The following CEP170 variants were observed in gnomAD, a reference collection of about 807,000 sequenced individuals.
The protein encoded by CEP170 is centrosomal protein 170.
CEP170 carries 21 observed loss-of-function variants against 151.9 expected under a neutral mutation model. The observed-to-expected ratio is 0.14, with a 90% CI of 0.10 to 0.20. The LOEUF is 0.20. CEP170 is among the 10% of genes least tolerant of loss of function. The pLI is 1.00. For missense variants in CEP170, 964 were observed against 1,892.9 expected (o/e 0.51, Z 9.11); for synonymous variants, 356 against 648.8 (o/e 0.55, Z 6.86).
At chr1:243,255,436 T>A (rs1203126737), upstream of CEP170, 1 of 153,776 alleles carries the variant, frequency 6.5e-6, no homozygotes, top group Non-Finnish European at 1.5e-5. Flanking sequence ...AAAGACCAGC[T>A]TGAACAATGA....
intron 1 of CEP170, among the ~76,000 whole-genome samples, chr1:243,238,054 G>A (rs1393017745): frequency 2.0e-5 from 3 of 152,168 alleles, no homozygotes; most frequent in South Asian, 4.1e-4. Context: ...GATGTTTAAA[G>A]TGATTAGGTT....
intron 3 of CEP170, among the ~76,000 whole-genome samples, chr1:243,213,578 T>C (rs2062004691): frequency 6.6e-6 from 1 of 152,118 alleles, no homozygotes; most frequent in African/African-American, 2.4e-5. Flanking sequence ...AGACACATTT[T>C]CTCTAATGCA....
At chr1:243,239,401 C>T (rs558561538) in intron 1 of CEP170, among the ~76,000 whole-genome samples, 1 of 152,258 alleles carries the variant, frequency 6.6e-6, no homozygotes, top group South Asian at 2.1e-4. Flanking sequence ...ACTCTTTTAC[C>T]TGAATCCCTT....
At chr1:243,240,585 C>T (rs1190718690) in intron 1 of CEP170, among the ~76,000 whole-genome samples, 1 of 151,534 alleles carries the variant, frequency 6.6e-6, no homozygotes, top group Non-Finnish European at 1.5e-5. Context: ...AGGCTTCATA[C>T]CTGAAGACTT....
chr1:243,198,531 C>G (rs987260897), intron 7 of CEP170, among the ~76,000 whole-genome samples: 1 of 152,044 alleles, frequency 6.6e-6, no homozygotes, highest in Non-Finnish European at 1.5e-5. Flanking sequence ...TTAAGCTGGA[C>G]ATGAGATGGT....
At chr1:243,253,108 G>C (rs550638392) in intron 1 of CEP170, 1 of 152,164 alleles carries the variant, frequency 6.6e-6, no homozygotes, top group Non-Finnish European at 1.5e-5. Flanking sequence ...CTACCGTTAA[G>C]TAGCTACCAT....
intron 4 of CEP170, among the ~76,000 whole-genome samples, chr1:243,210,141 C>T (rs527925754): frequency 6.6e-6 from 1 of 152,144 alleles, no homozygotes; most frequent in African/African-American, 2.4e-5. Context: ...ATATTATGAG[C>T]TGGTACGTAA....
Position 243,165,984 on chromosome 1 carries a change from C to T in CEP170, c.1976G>A (p.Arg659Lys), listed in dbSNP as rs376323027. 3.7e-6 allele frequency: 6 copies of T among 1,613,498 alleles called. No individual in the cohort carries two copies. The highest frequency in any genetic ancestry group is 3.3e-4 in the Middle Eastern group (2 of 6,056). Reference sequence around the variant, plus strand: ...TGACCTCTGTGTTACAACCTTTGCTCTGTGGCTCTCAAGAGACTTTTCTTC... The same window carrying T: ...TGACCTCTGTGTTACAACCTTTGCTTTGTGGCTCTCAAGAGACTTTTCTTC... ...PNEEKSLESH[R>K]AKVVTQRSEI... The change falls in exon 13 of 20, where the codon AGA becomes AAA. Residue 659 changes from arginine (R) to lysine (K), a missense_variant. Transcript: ENST00000366542.
At chr1:243,140,654 A>C (rs1437197749) in intron 15 of CEP170, 1 of 152,394 alleles carries the variant, frequency 6.6e-6, no homozygotes, top group Non-Finnish European at 1.5e-5. Flanking sequence ...ATGCTATAGA[A>C]GTTACACATT....
At chr1:243,233,807 G>T (rs1020243485) in intron 1 of CEP170, among the ~76,000 whole-genome samples, 3 of 150,106 alleles carry the variant, frequency 2.0e-5, no homozygotes, top group African/African-American at 7.3e-5. Context: ...TTCAAATCGA[G>T]GAATGATGGC....
chr1:243,203,489 A>G (rs1286135374), intron 4 of CEP170, among the ~76,000 whole-genome samples: 1 of 152,188 alleles, frequency 6.6e-6, no homozygotes, highest in East Asian at 1.9e-4. Context: ...TAATGACAAA[A>G]TAAAAAACAG....
At chr1:243,145,045 C>CT (rs556240899) in intron 14 of CEP170, among the ~76,000 whole-genome samples, 3 of 151,350 alleles carry the variant, frequency 2.0e-5, no homozygotes, top group Non-Finnish European at 2.9e-5. Context: ...AGTCATAACA[C>CT]TTTTTTTTCA....
chr1:243,217,172 G>A (rs2062372592), intron 3 of CEP170, among the ~76,000 whole-genome samples: 3 of 152,144 alleles, frequency 2.0e-5, no homozygotes, highest in African/African-American at 7.2e-5. Context: ...TAATCTTATG[G>A]TACCACTGCC....
intron 3 of CEP170, among the ~76,000 whole-genome samples, chr1:243,218,059 T>G (rs955386867): frequency 2.0e-5 from 3 of 152,208 alleles, no homozygotes; most frequent in African/African-American, 4.8e-5. Context: ...CAATTGATAG[T>G]ATAAAATCAT....
At chr1:243,254,092 G>A (rs1328198210) in intron 1 of CEP170, among the ~76,000 whole-genome samples, 1 of 151,958 alleles carries the variant, frequency 6.6e-6, no homozygotes, top group African/African-American at 2.4e-5. Context: ...GCCCTCTCTA[G>A]CCCAGGCTCC....
rs1018691736 is a variant in CEP170, at chr1:243,125,501, G to C, written c.*948C>G. On this transcript the variant is annotated 3_prime_UTR_variant, in exon 20 of 20. Coordinates refer to ENST00000366542, the MANE Select transcript of CEP170 (RefSeq NM_014812.3). ...TTTTAACCTCATGATCATTTCAAGGGAATTTCTTTTTCAACTGTCACATAT... is the reference window on the plus strand; with the variant it reads ...TTTTAACCTCATGATCATTTCAAGGCAATTTCTTTTTCAACTGTCACATAT... The C allele has an allele frequency of 6.6e-6, 1 of 152,570 alleles. No individual in the cohort carries two copies. The highest frequency in any genetic ancestry group is 2.4e-5 in the African/African-American group (1 of 41,382). The allele number at this position is 152,570 out of a possible 1,614,324, so 9.5% of individuals were successfully genotyped here.
Position 243,221,841 on chromosome 1 carries a change from T to A in CEP170, c.106-28A>T, listed in dbSNP as rs764120318. 1.9e-6 allele frequency: 3 copies of A among 1,572,262 alleles called. No individual in the cohort carries two copies. The South Asian group carries it at 3.5e-5, about 19-fold the overall frequency. ...GAAAGGAATGTTGTCAGTTAATAAA[T>A]ATAAGAAAATACTAGAATAAATACC... On this transcript the variant is annotated intron_variant, in intron 2 of 19. Coordinates refer to ENST00000366542, the MANE Select transcript of CEP170 (RefSeq NM_014812.3).
chr1:243,200,048 C>A (rs1479285071), intron 6 of CEP170, among the ~76,000 whole-genome samples: 1 of 151,998 alleles, frequency 6.6e-6, no homozygotes, highest in East Asian at 1.9e-4. Flanking sequence ...CACTACATTC[C>A]AAAATGCAAG....
At chr1:243,187,762 C>T (rs2060027891) in intron 8 of CEP170, among the ~76,000 whole-genome samples, 1 of 152,018 alleles carries the variant, frequency 6.6e-6, no homozygotes, top group African/African-American at 2.4e-5. Context: ...AACACAGAAA[C>T]ACTAGTTATA....
Sources: gnomAD v4.1 joint callset for allele counts (sites outside exome capture counted in the v4.1 genomes callset) on GRCh38, gnomAD v4.1.1 for gene constraint, MANE v1.5 for transcripts, NCBI Gene and HGNC (gene_info 2026-07-23, HGNC 2026-07-21) for gene names.